XKR4: variants seen among roughly 807,000 people sequenced by gnomAD.
XKR4 encodes the protein XK-related protein 4.
A neutral mutation model predicts 53.9 loss-of-function variants in XKR4; 12 were observed. The ratio of observed to expected loss-of-function variants is 0.22; its 90% CI spans 0.14 to 0.36. The LOEUF (loss-of-function observed/expected upper bound fraction) is 0.36, where lower values mean the gene tolerates loss of function less well. Among genes scored for constraint, XKR4 ranks in the 10% least tolerant of loss-of-function variants. The pLI is 1.00. For missense variants in XKR4, 799 were observed against 859.5 expected, an observed-to-expected ratio of 0.93 and a Z score of 0.88; for synonymous variants, 354 against 362.4, an observed-to-expected ratio of 0.98 and a Z score of 0.26.
chr8:55,412,124 G>A (rs1464424327), intron 2 of XKR4, among the ~76,000 whole-genome samples: 4 of 152,176 alleles, frequency 2.6e-5, no homozygotes, highest in Non-Finnish European at 5.9e-5. Context: ...GATTTCCATG[G>A]GGTCCTGGAG....
intron 1 of XKR4, among the ~76,000 whole-genome samples, chr8:55,288,577 G>A (rs1448736236): frequency 1.3e-5 from 2 of 152,146 alleles, no homozygotes; most frequent in Admixed American, 1.3e-4. Context: ...GCTCAGTACA[G>A]AGCAAAGTGT....
intron 1 of XKR4, among the ~76,000 whole-genome samples, chr8:55,275,307 T>C (rs539767181): frequency 6.6e-6 from 1 of 152,288 alleles, no homozygotes; most frequent in African/African-American, 2.4e-5. Flanking sequence ...AAAGTGTAAA[T>C]GGATTTTATA....
intron 2 of XKR4, among the ~76,000 whole-genome samples, chr8:55,494,680 C>T (rs183080220): frequency 5.9e-5 from 9 of 152,260 alleles, no homozygotes. Flanking sequence ...CGTTTCAGTT[C>T]TCAGCAGAGA....
At chr8:55,506,295 G>T (rs1563368910) in intron 2 of XKR4, among the ~76,000 whole-genome samples, 1 of 152,228 alleles carries the variant, frequency 6.6e-6, no homozygotes, top group Non-Finnish European at 1.5e-5. Flanking sequence ...ACTAACTAGA[G>T]ATCAAATAGA....
intron 2 of XKR4, among the ~76,000 whole-genome samples, chr8:55,510,738 TAGTC>T (rs1346486429): frequency 6.6e-6 from 1 of 152,208 alleles, no homozygotes; most frequent in African/African-American, 2.4e-5. Context: ...GATGCTCTCA[TAGTC>T]TGTCTTCCCC....
At chr8:55,172,323 T>G (rs1817172512) in intron 1 of XKR4, among the ~76,000 whole-genome samples, 1 of 152,166 alleles carries the variant, frequency 6.6e-6, no homozygotes, top group Admixed American at 6.5e-5. Flanking sequence ...ATCATCATGC[T>G]TTATTTTTAA....
At chr8:55,104,276 A>C (rs558258650) in intron 1 of XKR4, among the ~76,000 whole-genome samples, 1 of 49,886 alleles carries the variant, frequency 2.0e-5, no homozygotes, top group Non-Finnish European at 4.7e-5. Context: ...TTTTACATCT[A>C]TAAAAATTAC....
chr8:55,438,397 C>T (rs1805209786), intron 2 of XKR4, among the ~76,000 whole-genome samples: 1 of 151,666 alleles, frequency 6.6e-6, no homozygotes, highest in Non-Finnish European at 1.5e-5. Context: ...ACCAGCCTGG[C>T]CAACATGGTG....
At chr8:55,490,104 T>C (rs1305133898) in intron 2 of XKR4, among the ~76,000 whole-genome samples, 1 of 151,848 alleles carries the variant, frequency 6.6e-6, no homozygotes, top group Non-Finnish European at 1.5e-5. Context: ...TTTGCATACA[T>C]CCAAGTTTGC....
intron 2 of XKR4, among the ~76,000 whole-genome samples, chr8:55,404,146 A>G (rs531473225): frequency 9.8e-5 from 15 of 152,340 alleles, no homozygotes; most frequent in East Asian, 5.8e-4. Flanking sequence ...TATTCAAAAT[A>G]CGAACACTGT....
chr8:55,416,410 A>T (rs1804846480), intron 2 of XKR4, among the ~76,000 whole-genome samples: 2 of 152,158 alleles, frequency 1.3e-5, no homozygotes, highest in Admixed American at 1.3e-4. Flanking sequence ...ATCTTACCCT[A>T]CCAGTTCCAT....
At chr8:55,450,975 G>A (rs1585579860) in intron 2 of XKR4, 1 of 523,146 alleles carries the variant, frequency 1.9e-6, no homozygotes, top group Non-Finnish European at 3.6e-6. Flanking sequence ...CTCAGCAGTA[G>A]GGCAGCCCAG....
intron 1 of XKR4, among the ~76,000 whole-genome samples, chr8:55,156,016 C>A (rs10958447): frequency 1 from 152,300 of 152,300 alleles, 76,150 homozygotes; most frequent in Non-Finnish European, 1. Flanking sequence ...CTGCTAGAGA[C>A]TGTGATTCTG....
Position 55,523,561 on chromosome 8 carries a change from A to G in XKR4, c.1287A>G (p.Glu429=). The stretch of plus-strand genomic sequence containing the variant: ...CAGAATTCTGTATCACCAAATGGGA[A>G]GAGATTGTGTTCGACATGGTGGTGG... ...CETEFCITKW[E]EIVFDMVVGI... Residue 429 remains glutamate, a synonymous_variant, in exon 3 of 3, where the codon GAA becomes GAG. Coordinates refer to ENST00000327381, the MANE Select transcript of XKR4 (RefSeq NM_052898.2). 1 of 1,613,924 alleles carries G rather than the reference A, an allele frequency of 6.2e-7. No individual in the cohort carries two copies. Among genetic ancestry groups the G allele is most frequent in the South Asian group, 1.1e-5 (1 of 91,076 alleles).
At position 55,212,610 on chromosome 8, in the gene XKR4, G is replaced by A. The variant is rs149128324; in HGVS notation, c.806+109316G>A. Reference sequence around the variant, plus strand: ...ACTTTAAAATGCCATTGGCTGAGGAGAGGGCCAAAGGCATTTAAAGGCAGC... The same window carrying A: ...ACTTTAAAATGCCATTGGCTGAGGAAAGGGCCAAAGGCATTTAAAGGCAGC... On this transcript the variant is annotated intron_variant, in intron 1 of 2. Transcript: ENST00000327381. Among the ~76,000 whole-genome samples, 6 of 152,334 alleles carry A rather than the reference G, an allele frequency of 3.9e-5. No individual in the cohort carries two copies. In the East Asian group the frequency reaches 1.2e-3, roughly 29 times the overall value.
chr8:55,267,474 T>C (rs1818624190), intron 1 of XKR4, among the ~76,000 whole-genome samples: 2 of 152,176 alleles, frequency 1.3e-5, no homozygotes, highest in Admixed American at 1.3e-4. Flanking sequence ...ACAGAACAGG[T>C]CTTAGTTGGC....
intron 1 of XKR4, among the ~76,000 whole-genome samples, chr8:55,267,628 G>T (rs369385941): frequency 1.5e-3 from 193 of 129,450 alleles, no homozygotes; most frequent in Non-Finnish European, 2.6e-3. Flanking sequence ...AAAGTGTTAA[G>T]GGTTGTGATA....
chr8:55,521,301 C>T (rs936567453), intron 2 of XKR4, among the ~76,000 whole-genome samples: 1 of 152,248 alleles, frequency 6.6e-6, no homozygotes, highest in Admixed American at 6.5e-5. Flanking sequence ...TCTTAAATCC[C>T]CAAGTGATAA....
At chr8:55,337,867 A>C (rs188056073) in intron 1 of XKR4, among the ~76,000 whole-genome samples, 187 of 152,348 alleles carry the variant, frequency 1.2e-3, no homozygotes, top group African/African-American at 4.4e-3. Context: ...CAGGAAAGGC[A>C]GAATATTTTC....
Sources: allele counts gnomAD v4.1 joint callset (sites outside exome capture counted in the v4.1 genomes callset), GRCh38; gene constraint gnomAD v4.1.1; transcripts MANE v1.5; gene names NCBI Gene and HGNC (gene_info 2026-07-23, HGNC 2026-07-21).